UGT2B10: variants seen among roughly 807,000 people sequenced by gnomAD.
UGT2B10 encodes UDP-glucuronosyltransferase 2B10.
In UGT2B10, 51 loss-of-function variants were observed where a neutral mutation model predicts 43.7. The ratio of observed to expected loss-of-function variants is 1.17; its 90% CI spans 0.93 to 1.47. The LOEUF (loss-of-function observed/expected upper bound fraction) is 1.47, where lower values mean the gene tolerates loss of function less well. Ranked by LOEUF, UGT2B10 falls within the 40% of genes most tolerant of loss-of-function variation. UGT2B10 has a pLI of 0.00. For synonymous variants in UGT2B10, 225 were observed against 209.0 expected (o/e 1.08, Z -0.66); for missense variants, 696 against 617.7 (o/e 1.13, Z -1.34).
At chr4:68,820,284 A>G (rs953276059) in intron 2 of UGT2B10, among the ~76,000 whole-genome samples, 3 of 152,062 alleles carry the variant, frequency 2.0e-5, no homozygotes, top group Non-Finnish European at 4.4e-5. Flanking sequence ...TATGTAAAAT[A>G]TTTGCTAAGC....
At chr4:68,819,256 A>G (rs374916645) in intron 2 of UGT2B10, among the ~76,000 whole-genome samples, 1 of 151,976 alleles carries the variant, frequency 6.6e-6, no homozygotes, top group Admixed American at 6.6e-5. Context: ...TAACATGTGC[A>G]TGTCACTTGA....
chr4:68,829,417 C>T (rs572936527), intron 5 of UGT2B10, among the ~76,000 whole-genome samples: 4 of 152,082 alleles, frequency 2.6e-5, no homozygotes, highest in African/African-American at 9.6e-5. Flanking sequence ...ATTTTTGCCT[C>T]AAGATAATGT....
At chr4:68,822,053 C>A (rs540605159) in intron 2 of UGT2B10, among the ~76,000 whole-genome samples, 1 of 152,208 alleles carries the variant, frequency 6.6e-6, no homozygotes, top group East Asian at 1.9e-4. Context: ...TACCTACATA[C>A]ACACACATAT....
At position 68,818,196 on chromosome 4, in the gene UGT2B10, G is replaced by T; in HGVS notation, c.867+19G>T. On this transcript the variant is annotated intron_variant, in intron 2 of 5. Transcript: ENST00000265403. ...ACCTAAGGTAAACATACTTTCGTTG[G>T]TTTTATTTTGTTGGCTTCAAATTTC... The T allele has an allele frequency of 1.2e-6, 2 of 1,604,650 alleles. No homozygotes were observed. The highest frequency in any genetic ancestry group is 2.2e-5 in the South Asian group (2 of 89,098).
At chr4:68,826,599 C>CA in intron 4 of UGT2B10, 102 bp downstream of exon 4, 11 of 1,341,116 alleles carry the variant, frequency 8.2e-6, no homozygotes, top group East Asian at 2.6e-5. Flanking sequence ...TATAGGAAAA[C>CA]AAAAAAGAAC....
chr4:68,828,585 T>G (rs955037008), intron 5 of UGT2B10, among the ~76,000 whole-genome samples: 3 of 151,926 alleles, frequency 2.0e-5, no homozygotes, highest in Non-Finnish European at 4.4e-5. Flanking sequence ...ATACAAATAC[T>G]TTCACTCAAC....
chr4:68,827,594 T>C lies in UGT2B10; in HGVS notation c.1307+46T>C, dbSNP rs751114158. The C allele has an allele frequency of 4.4e-6, 7 of 1,608,434 alleles. No individual in the cohort carries two copies. The African/African-American group carries it at 6.7e-5, about 15-fold the overall frequency. ...CACTAGATGGTATTAATAGATAGCTTTTCTTGTCAGTAGTGAGCATGAGTT... is the reference window on the plus strand; with the variant it reads ...CACTAGATGGTATTAATAGATAGCTCTTCTTGTCAGTAGTGAGCATGAGTT... On this transcript the variant is annotated intron_variant, in intron 5 of 5. Coordinates refer to ENST00000265403, the MANE Select transcript of UGT2B10 (RefSeq NM_001075.6).
chr4:68,827,235 T>A (rs1256512181), intron 4 of UGT2B10, 94 bp from the exon 5 acceptor site: 25 of 1,585,706 alleles, frequency 1.6e-5, no homozygotes, highest in Non-Finnish European at 2.2e-5. Flanking sequence ...TAGTTCAGTG[T>A]GTTATCTAGA....
At position 68,822,332 on chromosome 4, in the gene UGT2B10, C is replaced by G; in HGVS notation, c.929C>G (p.Ser310Ter). The part of the protein sequence containing the change: ...ENGVVVFSLG[S>*]MVSNMTEERA... ...GGTGTTGTGGTGTTTTCTCTGGGGT[C>G]AATGGTCAGTAACATGACAGAAGAA... is the stretch of plus-strand genomic sequence containing the variant. The change falls in exon 3 of 6, where the codon TCA becomes TGA. Residue 310 changes from serine to a stop codon, truncating the protein, a stop_gained. Transcript: ENST00000265403. LOFTEE classifies it high-confidence loss of function. The G allele has an allele frequency of 6.2e-7, 1 of 1,613,434 alleles. No individual in the cohort carries two copies. The highest frequency in any genetic ancestry group is 1.7e-5 in the Admixed American group (1 of 59,942).
intron 3 of UGT2B10, among the ~76,000 whole-genome samples, 193 bp from the exon 4 acceptor site, chr4:68,826,217 A>G (rs1419705112): frequency 6.6e-6 from 1 of 152,152 alleles, no homozygotes; most frequent in African/African-American, 2.4e-5. Flanking sequence ...ACTTTGGAAA[A>G]TAATGGTTTC....
intron 1 of UGT2B10, among the ~76,000 whole-genome samples, chr4:68,817,401 A>G (rs938939258): frequency 5.9e-5 from 9 of 151,808 alleles, no homozygotes; most frequent in South Asian, 4.1e-4. Context: ...ATTTAAAAAT[A>G]CGAGACTGAT....
At chr4:68,829,849 G>A (rs11940320) in intron 5 of UGT2B10, among the ~76,000 whole-genome samples, 20,097 of 152,032 alleles carry the variant, frequency 0.13, 1,797 homozygotes, top group Admixed American at 0.27. Flanking sequence ...GGGTTCTGTA[G>A]ACCAAATAAC....
At chr4:68,829,299 T>A (rs549129856) in intron 5 of UGT2B10, among the ~76,000 whole-genome samples, 8 of 152,186 alleles carry the variant, frequency 5.3e-5, no homozygotes, top group African/African-American at 1.4e-4. Flanking sequence ...AGTCCGGTTA[T>A]TCTTTAGTTG....
At position 68,818,111 on chromosome 4, in the gene UGT2B10, T is replaced by C. The variant is rs1358558205; in HGVS notation, c.801T>C (p.His267=). 1 of 1,612,042 alleles carries C rather than the reference T, an allele frequency of 6.2e-7. No homozygotes were observed. The highest frequency in any genetic ancestry group is 2.2e-5 in the East Asian group (1 of 44,812). The change falls in exon 2 of 6, where the codon CAT becomes CAC. Residue 267 remains histidine, a synonymous_variant. Transcript: ENST00000265403. ...MRNSWNFKFP[H]PFLPNVDFVG... ...ACTCCTGGAATTTTAAATTTCCTCA[T>C]CCATTCTTACCAAATGTTGATTTTG...
chr4:68,823,429 C>T (rs1737613490), intron 3 of UGT2B10, among the ~76,000 whole-genome samples: 2 of 152,076 alleles, frequency 1.3e-5, no homozygotes, highest in East Asian at 1.9e-4. Context: ...ATCCCTTGAA[C>T]CAAGGAGGCG....
chr4:68,829,617 C>T (rs1241171583), intron 5 of UGT2B10, among the ~76,000 whole-genome samples: 2 of 151,914 alleles, frequency 1.3e-5, no homozygotes, highest in Non-Finnish European at 2.9e-5. Context: ...GTAAAAGCCT[C>T]TCTTAGAGGT....
intron 4 of UGT2B10, among the ~76,000 whole-genome samples, chr4:68,826,816 T>C (rs1578272357): frequency 6.6e-6 from 1 of 152,196 alleles, no homozygotes; most frequent in Middle Eastern, 3.4e-3. Context: ...TCTCCTCTCC[T>C]GCAGGGTTAT....
At chr4:68,829,032 A>G (rs1737941805) in intron 5 of UGT2B10, among the ~76,000 whole-genome samples, 1 of 152,042 alleles carries the variant, frequency 6.6e-6, no homozygotes, top group South Asian at 2.1e-4. Flanking sequence ...TACCCAACAG[A>G]TATGTATAAA....
Position 68,831,260 on chromosome 4 carries a change from A to AT in UGT2B10, c.*387dup. On this transcript the variant is annotated 3_prime_UTR_variant, in exon 6 of 6. Transcript: ENST00000265403. ...AGGTGCATGTCACCATGTCCAACTA[A>AT]TTTTTTATTTTTTGTAGTGATGAGA... 1 of 181,042 alleles carries AT rather than the reference A, an allele frequency of 5.5e-6. No individual in the cohort carries two copies. The highest frequency in any genetic ancestry group is 1.2e-5 in the Non-Finnish European group (1 of 86,656). The allele number at this position is 181,042 out of a possible 1,614,324, so 11.2% of individuals were successfully genotyped here.
Sources: allele counts gnomAD v4.1 joint callset (sites outside exome capture counted in the v4.1 genomes callset), GRCh38; gene constraint gnomAD v4.1.1; transcripts MANE v1.5; gene names NCBI Gene and HGNC (gene_info 2026-07-23, HGNC 2026-07-21).